BRIP1: variants seen among roughly 807,000 people sequenced by gnomAD.
BRIP1 encodes BRCA1 interacting DNA helicase 1.
BRIP1 carries 88 observed loss-of-function variants against 119.7 expected under a neutral mutation model. The observed-to-expected ratio is 0.74, with a 90% CI of 0.62 to 0.88. BRIP1 has a LOEUF of 0.88. Ranked by LOEUF, BRIP1 falls within the 40% of genes least tolerant of loss-of-function variation. BRIP1 has a pLI of 0.00. For missense variants in BRIP1, 1,259 were observed against 1,455.4 expected, an observed-to-expected ratio of 0.87 and a Z score of 2.20; for synonymous variants, 443 against 496.5, an observed-to-expected ratio of 0.89 and a Z score of 1.43.
Position 61,682,524 on chromosome 17 carries a change from T to C in BRIP1, c.*772A>G, listed in dbSNP as rs1274128923. ...TTTCAATTAAAAATGCATACTACTT[T>C]CTTAATTTCTCTTAATTACTTATAA... On this transcript the variant is annotated 3_prime_UTR_variant, in exon 20 of 20. Transcript: ENST00000259008. The surrounding 1 kb of genome is among the most constrained non-coding windows in gnomAD (Gnocchi z 4.9). 1 of 196,746 alleles carries C rather than the reference T, an allele frequency of 5.1e-6. No individual in the cohort carries two copies. Among genetic ancestry groups the C allele is most frequent in the East Asian group, 8.1e-5 (1 of 12,350 alleles). The allele number at this position is 196,746 out of a possible 1,614,324, so 12.2% of individuals were successfully genotyped here. A position where few individuals can be genotyped will look rare whatever the true frequency, so the allele number is the denominator to read the frequency against.
At position 61,693,540 on chromosome 17, in the gene BRIP1, A is replaced by C. The variant is rs763424639; in HGVS notation, c.2493-28T>G. ...AGAAAAAATAGGGAAAAAGTCAAAT[A>C]ATTATAACATCGGAAATAAATCCAG... On this transcript the variant is annotated intron_variant, in intron 17 of 19. Coordinates refer to ENST00000259008, the MANE Select transcript of BRIP1 (RefSeq NM_032043.3). This position sits in a 1 kb window ranked among gnomAD's most constrained non-coding sequence, Gnocchi z 4.2. 1.8e-5 allele frequency: 28 copies of C among 1,556,314 alleles called. No homozygotes were observed. Among genetic ancestry groups the C allele is most frequent in the African/African-American group, 2.7e-5 (2 of 73,630 alleles).
rs995910344 is a variant in BRIP1, at chr17:61,801,552, G to A, written c.919-78C>T. The A allele has an allele frequency of 3.1e-5, 40 of 1,304,684 alleles. No individual in the cohort carries two copies. In the East Asian group the frequency reaches 5.3e-4, roughly 17 times the overall value. The allele number at this position is 1,304,684 out of a possible 1,614,324, so 80.8% of individuals were successfully genotyped here. On this transcript the variant is annotated intron_variant, in intron 7 of 19. Coordinates refer to ENST00000259008, the MANE Select transcript of BRIP1 (RefSeq NM_032043.3). ...ATAAAATAAGCTTATCTCAGAATTT[G>A]AGGAACATCATTAAAGCCACAAGGC...
In BRIP1 at chr17:61,708,571, T is replaced by C. The variant is rs192925770; in HGVS notation, c.2492+7380A>G. Among the ~76,000 whole-genome samples the C allele has an allele frequency of 1.3e-5, 2 of 152,326 alleles. No individual in the cohort carries two copies. The highest frequency in any genetic ancestry group is 1.3e-4 in the Admixed American group (2 of 15,296). ...ATCCTTGTTCTAGTCTGTTGTGTTG[T>C]TTCTATTTTCTCAGAGTTCTTCTGC... On this transcript the variant is annotated intron_variant, in intron 17 of 19. Transcript: ENST00000259008. The surrounding 1 kb of genome is among the most constrained non-coding windows in gnomAD (Gnocchi z 4.4).
At chr17:61,785,635 A>G (rs2145154990) in intron 10 of BRIP1, among the ~76,000 whole-genome samples, 1 of 152,306 alleles carries the variant, frequency 6.6e-6, no homozygotes, top group African/African-American at 2.4e-5. Context: ...AACAAACAAG[A>G]AAGACAACAT....
intron 17 of BRIP1, among the ~76,000 whole-genome samples, chr17:61,711,044 A>AG (rs955864388): frequency 1.3e-5 from 2 of 151,756 alleles, no homozygotes; most frequent in Admixed American, 1.3e-4. Flanking sequence ...AAAAAAAAAA[A>AG]AAAAACAAAC....
At chr17:61,728,018 G>C (rs952550275) in intron 16 of BRIP1, among the ~76,000 whole-genome samples, 2 of 151,562 alleles carry the variant, frequency 1.3e-5, no homozygotes, top group Admixed American at 1.3e-4. Flanking sequence ...TAGTAGACAC[G>C]GGGTTTCGCC....
Position 61,683,582 on chromosome 17 carries a change from C to G in BRIP1, c.3464G>C (p.Gly1155Ala). The change falls in exon 20 of 20, where the codon GGA (glycine) becomes GCA (alanine). Residue 1155 changes from glycine (G) to alanine (A), a missense_variant. By Grantham distance (60) the Gly-to-Ala change is moderately conservative (BLOSUM62 0). Coordinates refer to ENST00000259008, the MANE Select transcript of BRIP1 (RefSeq NM_032043.3). This position sits in a 1 kb window ranked among gnomAD's most constrained non-coding sequence, Gnocchi z 4.7. ...ATCTGAATTGTTAGCCAATCTATTT[C>G]CTCTATCAGTTTCAGCTAGGTCATT... Reference protein sequence around the residue: ...EKNDLAETDRGNRLANNSDCI... With the variant: ...EKNDLAETDRANRLANNSDCI... 6.2e-7 allele frequency: 1 copy of G among 1,612,654 alleles called. No individual in the cohort carries two copies. The highest frequency in any genetic ancestry group is 8.5e-7 in the Non-Finnish European group (1 of 1,179,952).
chr17:61,820,999 G>A (rs1271460610), intron 6 of BRIP1, among the ~76,000 whole-genome samples: 1 of 151,980 alleles, frequency 6.6e-6, no homozygotes, highest in Non-Finnish European at 1.5e-5. Context: ...CAGAGTGGGA[G>A]GGGGCTTGAG....
Position 61,808,890 on chromosome 17 carries a change from G to A in BRIP1, c.628-133C>T. On this transcript the variant is annotated intron_variant, in intron 6 of 19. Transcript: ENST00000259008. This position sits in a 1 kb window ranked among gnomAD's most constrained non-coding sequence, Gnocchi z 4.1. The stretch of plus-strand genomic sequence containing the variant: ...TAAAGAGAAATAACAAGAAATTATA[G>A]TATCTAAAACTTGCCATTAAAGAAA... 1 of 947,184 alleles carries A rather than the reference G, an allele frequency of 1.1e-6. No homozygotes were observed. The highest frequency in any genetic ancestry group is 1.6e-6 in the Non-Finnish European group (1 of 637,644). 58.7% of individuals were successfully genotyped at this position (947,184 alleles called of 1,614,324 possible).
chr17:61,843,523 C>T lies in BRIP1; in HGVS notation c.627+3578G>A, dbSNP rs144041925. ...GGGGCCTAGTGTAAAGTGCTTGGGT[C>T]ATCAATGGCTGGTGCCCTCCTCACA... On this transcript the variant is annotated intron_variant, in intron 6 of 19. Coordinates refer to ENST00000259008, the MANE Select transcript of BRIP1 (RefSeq NM_032043.3). The surrounding 1 kb of genome is among the most constrained non-coding windows in gnomAD (Gnocchi z 5.7). Among the ~76,000 whole-genome samples, 76 of 152,262 alleles carry T rather than the reference C, an allele frequency of 5.0e-4. No homozygotes were observed. Among genetic ancestry groups the T allele is most frequent in the African/African-American group, 1.6e-3 (67 of 41,562 alleles).
In BRIP1 at chr17:61,834,316, A is replaced by T. The variant is rs925003154; in HGVS notation, c.627+12785T>A. 6.6e-6 allele frequency among the ~76,000 whole-genome samples: 1 copy of T among 152,090 alleles called. No individual in the cohort carries two copies. The highest frequency in any genetic ancestry group is 1.5e-5 in the Non-Finnish European group (1 of 68,006). ...AAATATATGTAATATATACTACAGT[A>T]TCAACCCCTTTACAGGGGTTGAGCT... is the stretch of plus-strand genomic sequence containing the variant. On this transcript the variant is annotated intron_variant, in intron 6 of 19. Coordinates refer to ENST00000259008, the MANE Select transcript of BRIP1 (RefSeq NM_032043.3). The surrounding 1 kb of genome is among the most constrained non-coding windows in gnomAD (Gnocchi z 4.4).
In BRIP1 at chr17:61,736,615, G is replaced by A. The variant is rs2076922182; in HGVS notation, c.2379+6398C>T. ...TTAAAGTCTCCAGGAATGGAGAGTG[G>A]TTGCTGTTGTTTTTAAAAACAAATA... On this transcript the variant is annotated intron_variant, in intron 16 of 19. Coordinates refer to ENST00000259008, the MANE Select transcript of BRIP1 (RefSeq NM_032043.3). The surrounding 1 kb of genome is among the most constrained non-coding windows in gnomAD (Gnocchi z 4.4). Among the ~76,000 whole-genome samples the A allele has an allele frequency of 6.6e-6, 1 of 152,098 alleles. No homozygotes were observed. Among genetic ancestry groups the A allele is most frequent in the Admixed American group, 6.5e-5 (1 of 15,274 alleles).
intron 16 of BRIP1, among the ~76,000 whole-genome samples, chr17:61,723,367 A>C (rs944008803): frequency 1.3e-5 from 2 of 152,202 alleles, no homozygotes; most frequent in African/African-American, 4.8e-5. Context: ...CATGCTTTCC[A>C]AACAAATAGT....
rs1191883150 is a variant in BRIP1, at chr17:61,767,473, CTA to C, written c.2097+8926_2097+8927del. On this transcript the variant is annotated intron_variant, in intron 14 of 19. Transcript: ENST00000259008. This position sits in a 1 kb window ranked among gnomAD's most constrained non-coding sequence, Gnocchi z 5.7. ...TTGTTTTTTTAAACACTGGGTCTCT[CTA>C]TGTTACCCAGGCTGGTCTTGAACAT... 6.6e-6 allele frequency among the ~76,000 whole-genome samples: 1 copy of C among 151,998 alleles called. No individual in the cohort carries two copies. The highest frequency in any genetic ancestry group is 6.6e-5 in the Admixed American group (1 of 15,246).
chr17:61,828,823 C>CA lies in BRIP1; in HGVS notation c.627+18277dup, dbSNP rs1384129992. On this transcript the variant is annotated intron_variant, in intron 6 of 19. Transcript: ENST00000259008. The surrounding 1 kb of genome is among the most constrained non-coding windows in gnomAD (Gnocchi z 4.1). ...ACAAATGTAGAAGTAAAATATTTGA[C>CA]AAAAATGGCACAAAACATGGGAGAG... 1.3e-5 allele frequency among the ~76,000 whole-genome samples: 2 copies of CA among 152,006 alleles called. No individual in the cohort carries two copies. Among genetic ancestry groups the CA allele is most frequent in the Admixed American group, 1.3e-4 (2 of 15,250 alleles).
chr17:61,681,360 T>A lies in BRIP1; in HGVS notation c.*1936A>T, dbSNP rs754507753. 3 of 211,144 alleles carry A rather than the reference T, an allele frequency of 1.4e-5. No homozygotes were observed. Among genetic ancestry groups the A allele is most frequent in the Non-Finnish European group, 2.9e-5 (3 of 104,180 alleles). The allele number at this position is 211,144 out of a possible 1,614,324, so 13.1% of individuals were successfully genotyped here. A position where few individuals can be genotyped will look rare whatever the true frequency, so the allele number is the denominator to read the frequency against. On this transcript the variant is annotated 3_prime_UTR_variant, in exon 20 of 20. Transcript: ENST00000259008. The surrounding 1 kb of genome is among the most constrained non-coding windows in gnomAD (Gnocchi z 5.1). ...CAGAATATCAACAGACATTCCTTTA[T>A]AGATTCTCAAAGCACAAAGAAATTT...
At position 61,684,434 on chromosome 17, in the gene BRIP1, G is replaced by A. The variant is rs1379175597; in HGVS notation, c.2906-294C>T. The stretch of plus-strand genomic sequence containing the variant: ...AGAAGGGGTAAAAGGGAAGAGGAAG[G>A]GAGCTGAGGAAAGGAGGGAACAGGC... On this transcript the variant is annotated intron_variant, in intron 19 of 19. Transcript: ENST00000259008. The surrounding 1 kb of genome is among the most constrained non-coding windows in gnomAD (Gnocchi z 4.5). 6.6e-6 allele frequency among the ~76,000 whole-genome samples: 1 copy of A among 152,132 alleles called. No homozygotes were observed. Among genetic ancestry groups the A allele is most frequent in the Non-Finnish European group, 1.5e-5 (1 of 68,016 alleles).
At position 61,851,223 on chromosome 17, in the gene BRIP1, A is replaced by T. The variant is rs1162827831; in HGVS notation, c.380-1967T>A. On this transcript the variant is annotated intron_variant, in intron 4 of 19. Transcript: ENST00000259008. The surrounding 1 kb of genome is among the most constrained non-coding windows in gnomAD (Gnocchi z 4.6). ...AGCCTAGGTGACAGAACGAGACTCCATCTCAAAAAAAGAAAAAAAAAGAAA... is the reference window on the plus strand; with the variant it reads ...AGCCTAGGTGACAGAACGAGACTCCTTCTCAAAAAAAGAAAAAAAAAGAAA... Among the ~76,000 whole-genome samples, 2 of 152,084 alleles carry T rather than the reference A, an allele frequency of 1.3e-5. No individual in the cohort carries two copies. The highest frequency in any genetic ancestry group is 4.8e-5 in the African/African-American group (2 of 41,406).
At chr17:61,800,872 C>T (rs1233167631) in intron 8 of BRIP1, among the ~76,000 whole-genome samples, 2 of 152,286 alleles carry the variant, frequency 1.3e-5, no homozygotes, top group African/African-American at 2.4e-5. Context: ...CAAACAAACA[C>T]AAATGCCATT....
Sources: gnomAD v4.1 joint callset for allele counts (sites outside exome capture counted in the v4.1 genomes callset) on GRCh38, gnomAD v4.1.1 for gene constraint, Gnocchi (gnomAD v3.1) non-coding constraint, MANE v1.5 for transcripts, NCBI Gene and HGNC (gene_info 2026-07-23, HGNC 2026-07-21) for gene names.